Variants in COL4A4 observed in about 807,000 individuals in gnomAD.
The protein encoded by COL4A4 is collagen alpha-4(IV) chain.
COL4A4 carries 105 observed loss-of-function variants against 192.9 expected under a neutral mutation model. The observed-to-expected ratio is 0.54, with a 90% CI of 0.46 to 0.64. The LOEUF is 0.64. Ranked by LOEUF, COL4A4 falls within the 30% of genes least tolerant of loss-of-function variation. The pLI is 0.00. For missense variants in COL4A4, 1,967 were observed against 2,169.3 expected (o/e 0.91, Z 1.85); for synonymous variants, 762 against 769.9 (o/e 0.99, Z 0.17).
intron 12 of COL4A4, 34 bp downstream of exon 12, chr2:227,108,547 C>T: frequency 1.2e-6 from 2 of 1,604,474 alleles, no homozygotes; most frequent in Non-Finnish European, 1.7e-6. Flanking sequence ...ACACACGTCA[C>T]CATCTGCTCC....
At position 227,030,615 on chromosome 2, in the gene COL4A4, G is replaced by A. The variant is rs1968081064; in HGVS notation, c.3818-17C>T. ...CAGGTGCTCCTGACCACAGAGAAGA[G>A]ACAAAAATATTCTTTTAGTCAAAGA... On this transcript the variant is annotated splice_polypyrimidine_tract_variant and intron_variant, in intron 40 of 47. Coordinates refer to ENST00000396625, the MANE Select transcript of COL4A4 (RefSeq NM_000092.5). 6.4e-7 allele frequency: 1 copy of A among 1,563,480 alleles called. No homozygotes were observed. Among genetic ancestry groups the A allele is most frequent in the African/African-American group, 1.4e-5 (1 of 72,164 alleles).
At chr2:227,092,066 CA>C (rs915737121) in intron 20 of COL4A4, among the ~76,000 whole-genome samples, 9 of 149,748 alleles carry the variant, frequency 6.0e-5, no homozygotes, top group South Asian at 4.2e-4. Context: ...CAAAAACAAA[CA>C]AAAAAAAAGA....
chr2:226,994,226 C>T, the COL4A4 span, among the ~76,000 whole-genome samples: 1 of 152,196 alleles, frequency 6.6e-6, no homozygotes, highest in Non-Finnish European at 1.5e-5. Flanking sequence ...ATTTATTGAA[C>T]AGCTACTGTG....
Position 227,102,815 on chromosome 2 carries a change from CT to C in COL4A4, c.903del (p.Gly302ValfsTer23). ...GESGIGAKGE[K>X]GIPGFPGPRG... Reference sequence around the variant, plus strand: ...CGAGGCCCTGGAAATCCAGGAATACCTTTTTCTCCTTTTGCCCCAATACCAG... The same window carrying C: ...CGAGGCCCTGGAAATCCAGGAATACCTTTTCTCCTTTTGCCCCAATACCAG... On this transcript the variant is annotated frameshift_variant, in exon 15 of 48. Coordinates refer to ENST00000396625, the MANE Select transcript of COL4A4 (RefSeq NM_000092.5). LOFTEE classifies it high-confidence loss of function. The C allele has an allele frequency of 6.2e-7, 1 of 1,613,468 alleles. No homozygotes were observed. Among genetic ancestry groups the C allele is most frequent in the Non-Finnish European group, 8.5e-7 (1 of 1,179,666 alleles).
chr2:227,005,393 G>A lies in COL4A4; in HGVS notation c.*1932C>T, dbSNP rs1460761898. 2.6e-5 allele frequency: 4 copies of A among 152,102 alleles called. No individual in the cohort carries two copies. The highest frequency in any genetic ancestry group is 5.9e-5 in the Non-Finnish European group (4 of 68,022). 9.4% of individuals were successfully genotyped at this position (152,102 alleles called of 1,614,324 possible). A position where few individuals can be genotyped will look rare whatever the true frequency, so the allele number is the denominator to read the frequency against. On this transcript the variant is annotated 3_prime_UTR_variant, in exon 48 of 48. Coordinates refer to ENST00000396625, the MANE Select transcript of COL4A4 (RefSeq NM_000092.5). ...GAACTTTTAGGAGGGTTGACTTTTG[G>A]TAATAGATAAAGCTTTTTGGGAAGG...
intron 47 of COL4A4, 108 bp downstream of exon 47, chr2:227,007,910 T>C: frequency 1.4e-6 from 2 of 1,380,340 alleles, no homozygotes; most frequent in East Asian, 2.4e-5. Flanking sequence ...TAACCTTATG[T>C]CCTAAGCGCA....
intron 46 of COL4A4, among the ~76,000 whole-genome samples, chr2:227,009,744 A>G (rs1469141898): frequency 2.0e-5 from 2 of 99,406 alleles, no homozygotes; most frequent in Non-Finnish European, 4.1e-5. Context: ...AAGAGAAGAG[A>G]AGAGAGAAGA....
At chr2:227,041,844 GAAAGAGAAAGAAAGAA>G (rs1304302520) in intron 37 of COL4A4, among the ~76,000 whole-genome samples, 49 of 73,688 alleles carry the variant, frequency 6.6e-4, no homozygotes, top group Non-Finnish European at 8.7e-4. Context: ...AAGAAAGAAA[GAAAGAGAAAGAAAGAA>G]AGAAAGAAAG....
chr2:226,999,392 A>G (rs1960383689), downstream of COL4A4, among the ~76,000 whole-genome samples: 1 of 152,160 alleles, frequency 6.6e-6, no homozygotes, highest in Admixed American at 6.5e-5. Context: ...GACATGTCCC[A>G]CTGCATCGAA....
chr2:227,049,085 C>G (rs183152119), intron 34 of COL4A4, among the ~76,000 whole-genome samples: 1 of 152,280 alleles, frequency 6.6e-6, no homozygotes, highest in Admixed American at 6.5e-5. Flanking sequence ...TGTGAATTTA[C>G]AGCTAGTTAC....
At chr2:227,018,952 T>G (rs1383593491) in intron 44 of COL4A4, among the ~76,000 whole-genome samples, 4 of 152,234 alleles carry the variant, frequency 2.6e-5, no homozygotes, top group African/African-American at 9.6e-5. Context: ...ATAACTATCA[T>G]GTTCAAGTGT....
Position 227,108,542 on chromosome 2 carries a change from C to T in COL4A4, c.735+39G>A, listed in dbSNP as rs376259331. ...CCTCCACCCCTGAGCAGCACACACA[C>T]GTCACCATCTGCTCCTCAGAGCAAG... On this transcript the variant is annotated intron_variant, in intron 12 of 47. Coordinates refer to ENST00000396625, the MANE Select transcript of COL4A4 (RefSeq NM_000092.5). The T allele has an allele frequency of 2.9e-5, 47 of 1,596,568 alleles. 1 individual carries two copies. The highest frequency in any genetic ancestry group is 1.7e-4 in the Middle Eastern group (1 of 6,020).
chr2:227,051,156 C>G lies in COL4A4; in HGVS notation c.2971G>C (p.Asp991His). Residue 991 changes from aspartate (D) to histidine (H), a missense_variant and splice_region_variant, in exon 33 of 48, where the codon GAT (aspartate) becomes CAT (histidine). Transcript: ENST00000396625. ...CCTTGCATCCCGGGAGTTCCTTTAT[C>G]ACCTGATGAAGTTGGAAGTGTTACA... is the stretch of plus-strand genomic sequence containing the variant. ...GDDGFPGERG[D>H]KGTPGMQGRR... 2 of 1,614,184 alleles carry G rather than the reference C, an allele frequency of 1.2e-6. No homozygotes were observed. Among genetic ancestry groups the G allele is most frequent in the Non-Finnish European group, 1.7e-6 (2 of 1,180,012 alleles).
chr2:227,027,263 A>G (rs1044256313), intron 42 of COL4A4, among the ~76,000 whole-genome samples: 16 of 146,762 alleles, frequency 1.1e-4, no homozygotes, highest in Non-Finnish European at 2.0e-4. Context: ...AAAAAAAAAA[A>G]TAGAAAAAAA....
chr2:227,152,356 T>A (rs1576909555), intron 1 of COL4A4, among the ~76,000 whole-genome samples: 1 of 152,242 alleles, frequency 6.6e-6, no homozygotes, highest in Non-Finnish European at 1.5e-5. Flanking sequence ...GGAAATGGAA[T>A]CCTTTAGTGA....
intron 23 of COL4A4, 132 bp downstream of exon 23, chr2:227,081,983 A>AT (rs1363236838): frequency 2.0e-5 from 17 of 839,400 alleles, no homozygotes; most frequent in Admixed American, 1.8e-5. Context: ...GGCAGGAAGT[A>AT]TTTTTTTAAG....
At chr2:227,091,284 A>AGG (rs1287030894) in intron 20 of COL4A4, among the ~76,000 whole-genome samples, 1 of 151,818 alleles carries the variant, frequency 6.6e-6, no homozygotes, top group Non-Finnish European at 1.5e-5. Flanking sequence ...ATATAGATAT[A>AGG]GATATAGATA....
At chr2:227,146,405 C>T (rs2063550553) in intron 2 of COL4A4, among the ~76,000 whole-genome samples, 1 of 152,070 alleles carries the variant, frequency 6.6e-6, no homozygotes, top group South Asian at 2.1e-4. Flanking sequence ...TCTTTCACTC[C>T]CCGTAATTTC....
chr2:226,983,357 G>A, the COL4A4 span, among the ~76,000 whole-genome samples: 8 of 152,098 alleles, frequency 5.3e-5, no homozygotes, highest in East Asian at 1.9e-4. Flanking sequence ...AATGTGGCAC[G>A]GAAGTATTGG....
Sources: gnomAD v4.1 joint callset for allele counts (sites outside exome capture counted in the v4.1 genomes callset) on GRCh38, gnomAD v4.1.1 for gene constraint, MANE v1.5 for transcripts, NCBI Gene and HGNC (gene_info 2026-07-23, HGNC 2026-07-21) for gene names.